RGS21: variants seen among roughly 807,000 people sequenced by gnomAD.
The protein encoded by RGS21 is regulator of G-protein signalling 21.
In RGS21, 19 loss-of-function variants were observed where a neutral mutation model predicts 18.7. That is an observed-to-expected ratio of 1.01 (90% CI 0.71 to 1.49). The LOEUF (loss-of-function observed/expected upper bound fraction) is 1.49, where lower values mean the gene tolerates loss of function less well. Ranked by LOEUF, RGS21 falls within the 40% of genes most tolerant of loss-of-function variation. The pLI is 0.00. For synonymous variants in RGS21, 56 were observed against 57.8 expected, an observed-to-expected ratio of 0.97 and a Z score of 0.14; for missense variants, 194 against 176.8, an observed-to-expected ratio of 1.10 and a Z score of -0.55.
chr1:192,340,533 A>T (rs1407143450), intron 1 of RGS21, among the ~76,000 whole-genome samples: 3 of 152,118 alleles, frequency 2.0e-5, no homozygotes, highest in African/African-American at 7.2e-5. Context: ...TAAAGAGAGG[A>T]GTTCCCTAGA....
intron 2 of RGS21, among the ~76,000 whole-genome samples, chr1:192,346,593 A>G (rs1476268656): frequency 6.6e-6 from 1 of 152,122 alleles, no homozygotes; most frequent in Non-Finnish European, 1.5e-5. Context: ...TTTGCATCTC[A>G]GAAAGTTTAT....
At chr1:192,323,232 T>TG (rs1218103835) in intron 1 of RGS21, among the ~76,000 whole-genome samples, 1 of 152,146 alleles carries the variant, frequency 6.6e-6, no homozygotes, top group Non-Finnish European at 1.5e-5. Context: ...TGCCTCTTTC[T>TG]GCCTTTGCAT....
chr1:192,337,915 A>G (rs570051049), intron 1 of RGS21, among the ~76,000 whole-genome samples: 1 of 152,186 alleles, frequency 6.6e-6, no homozygotes, highest in African/African-American at 2.4e-5. Context: ...TTTTACTTAC[A>G]TCAGAAATCT....
intron 1 of RGS21, among the ~76,000 whole-genome samples, chr1:192,324,088 T>C (rs1028967453): frequency 6.6e-6 from 1 of 152,052 alleles, no homozygotes; most frequent in Non-Finnish European, 1.5e-5. Context: ...ATAATACACA[T>C]GTAATCATTA....
At chr1:192,354,060 G>A (rs575365230) in intron 4 of RGS21, among the ~76,000 whole-genome samples, 1 of 151,602 alleles carries the variant, frequency 6.6e-6, no homozygotes, top group East Asian at 1.9e-4. Flanking sequence ...AAGTTTGCTT[G>A]TTATATATTA....
At chr1:192,333,397 C>T (rs1013688553) in intron 1 of RGS21, among the ~76,000 whole-genome samples, 1 of 151,834 alleles carries the variant, frequency 6.6e-6, no homozygotes, top group Non-Finnish European at 1.5e-5. Flanking sequence ...CATAGCAGCT[C>T]TATGTGTCAT....
At chr1:192,328,930 A>G (rs189404324) in intron 1 of RGS21, among the ~76,000 whole-genome samples, 3 of 152,228 alleles carry the variant, frequency 2.0e-5, no homozygotes, top group East Asian at 1.9e-4. Context: ...ATACATTCAC[A>G]TGGTAAATAT....
chr1:192,329,598 A>G (rs1658616925), intron 1 of RGS21, among the ~76,000 whole-genome samples: 1 of 152,174 alleles, frequency 6.6e-6, no homozygotes, highest in Non-Finnish European at 1.5e-5. Context: ...CAAAGGAATT[A>G]AAGTACTAAG....
intron 4 of RGS21, 137 bp downstream of exon 4, chr1:192,352,350 G>T: frequency 1.8e-6 from 1 of 553,320 alleles, no homozygotes; most frequent in Non-Finnish European, 2.9e-6. Flanking sequence ...GATTCCAAGA[G>T]AAATTCCTTA....
chr1:192,342,886 A>G lies in RGS21; in HGVS notation c.-60-91A>G, dbSNP rs763651111. On this transcript the variant is annotated intron_variant, in intron 1 of 4. Transcript: ENST00000417209. ...TAATAACAAAAATAAAAAAGCTGAG[A>G]ATAGCAGAATTTAAAGAATGCCAAT... 2.9e-4 allele frequency: 197 copies of G among 686,024 alleles called. 1 individual carries two copies. The highest frequency in any genetic ancestry group is 4.6e-4 in the Non-Finnish European group (177 of 382,598). The allele number at this position is 686,024 out of a possible 1,614,324, so 42.5% of individuals were successfully genotyped here.
chr1:192,333,269 T>TACAC (rs137948736), intron 1 of RGS21, among the ~76,000 whole-genome samples: 2,992 of 142,984 alleles, frequency 0.021, 59 homozygotes, highest in African/African-American at 0.051. Context: ...GTTTCTTAAA[T>TACAC]ACACACACAC....
intron 1 of RGS21, among the ~76,000 whole-genome samples, chr1:192,323,417 G>C (rs1658522854): frequency 6.6e-6 from 1 of 151,982 alleles, no homozygotes; most frequent in South Asian, 2.1e-4. Context: ...AGGCACGTTA[G>C]GCAAAAGTTG....
intron 3 of RGS21, among the ~76,000 whole-genome samples, chr1:192,349,538 A>G (rs992832577): frequency 1.3e-5 from 2 of 152,180 alleles, no homozygotes; most frequent in Admixed American, 6.6e-5. Flanking sequence ...TAAGCATTCC[A>G]TTCTATGGAG....
chr1:192,339,054 GA>G (rs1050989428), intron 1 of RGS21, among the ~76,000 whole-genome samples: 20 of 151,860 alleles, frequency 1.3e-4, no homozygotes, highest in Non-Finnish European at 8.8e-5. Flanking sequence ...CTATCTCATA[GA>G]ATAATAACCA....
At chr1:192,363,617 C>T (rs540826773) in intron 4 of RGS21, among the ~76,000 whole-genome samples, 39 of 152,206 alleles carry the variant, frequency 2.6e-4, no homozygotes, top group African/African-American at 9.4e-4. Context: ...TATCGTGCCA[C>T]TTAACTGCAC....
intron 4 of RGS21, among the ~76,000 whole-genome samples, chr1:192,355,636 T>TA: frequency 6.6e-6 from 1 of 151,596 alleles, no homozygotes. Context: ...ACTTTGTACA[T>TA]ACTAATAATG....
At chr1:192,356,233 A>C (rs1659111390) in intron 4 of RGS21, among the ~76,000 whole-genome samples, 1 of 151,834 alleles carries the variant, frequency 6.6e-6, no homozygotes, top group African/African-American at 2.4e-5. Context: ...GAGTCACATT[A>C]TCTTTCACAT....
intron 4 of RGS21, among the ~76,000 whole-genome samples, chr1:192,363,215 G>A (rs1184777598): frequency 6.6e-6 from 1 of 152,070 alleles, no homozygotes; most frequent in African/African-American, 2.4e-5. Flanking sequence ...CAAAATCATG[G>A]CTTTGGACTT....
intron 1 of RGS21, among the ~76,000 whole-genome samples, chr1:192,333,628 CAAAAAA>C (rs376989840): frequency 4.5e-3 from 462 of 102,398 alleles, no homozygotes; most frequent in Middle Eastern, 0.029. Flanking sequence ...CTCAAAATGA[CAAAAAA>C]AAAAAAAAAA....
Sources: gnomAD v4.1 joint callset for allele counts (sites outside exome capture counted in the v4.1 genomes callset) on GRCh38, gnomAD v4.1.1 for gene constraint, MANE v1.5 for transcripts, NCBI Gene and HGNC (gene_info 2026-07-23, HGNC 2026-07-21) for gene names.